Variants in KCNT1 observed in about 807,000 individuals in gnomAD.
KCNT1 encodes the protein potassium sodium-activated channel subfamily T member 1, also known as potassium channel subfamily T member 1.
In KCNT1, 78 loss-of-function variants were observed where a neutral mutation model predicts 147.8. The observed-to-expected ratio is 0.53, with a 90% CI of 0.44 to 0.64. The LOEUF (loss-of-function observed/expected upper bound fraction) is 0.64. Ranked by LOEUF, KCNT1 falls within the 30% of genes least tolerant of loss-of-function variation. The pLI is 0.00. For missense variants in KCNT1, 1,419 were observed against 1,750.3 expected (o/e 0.81, Z 3.38); for synonymous variants, 867 against 748.8 (o/e 1.16, Z -2.58).
At chr9:135,787,274 C>T (rs948872930) in intron 29 of KCNT1, among the ~76,000 whole-genome samples, 2 of 152,232 alleles carry the variant, frequency 1.3e-5, no homozygotes, top group African/African-American at 4.8e-5. Context: ...TGTGCTTGGG[C>T]TTCGGGGCCC....
chr9:135,743,477 G>A (rs541690790), intron 2 of KCNT1, among the ~76,000 whole-genome samples: 1 of 152,228 alleles, frequency 6.6e-6, no homozygotes, highest in African/African-American at 2.4e-5. Flanking sequence ...GGGCTGCCCG[G>A]CACCCATGGT....
chr9:135,787,677 T>C (rs1343979480), intron 29 of KCNT1, among the ~76,000 whole-genome samples: 1 of 152,124 alleles, frequency 6.6e-6, no homozygotes, highest in African/African-American at 2.4e-5. Context: ...TGTGAAGACC[T>C]TTCCCGGCCC....
chr9:135,786,326 C>A lies in KCNT1; in HGVS notation c.3307C>A (p.Pro1103Thr), dbSNP rs1347095932. 1 of 1,598,302 alleles carries A rather than the reference C, an allele frequency of 6.3e-7. No individual in the cohort carries two copies. Among genetic ancestry groups the A allele is most frequent in the Non-Finnish European group, 8.5e-7 (1 of 1,173,890 alleles). Residue 1103 changes from proline (P) to threonine (T), a missense_variant, in exon 29 of 31, where the codon CCA becomes ACA. Coordinates refer to ENST00000371757, the MANE Select transcript of KCNT1 (RefSeq NM_020822.3). ...GGGCGGCGGTGACCCCGCAGAGCAC[C>A]CACTGCTACGGCGCAAGAGCCTGCA... Reference protein sequence around the residue: ...HTGGGDPAEHPLLRRKSLQWA... With the variant: ...HTGGGDPAEHTLLRRKSLQWA...
intron 13 of KCNT1, 85 bp downstream of exon 13, chr9:135,765,845 C>T: frequency 1.6e-6 from 2 of 1,263,878 alleles, no homozygotes; most frequent in Non-Finnish European, 2.2e-6. Context: ...TTGACCGTCG[C>T]TCTCCTGGCC....
At chr9:135,708,004 T>C (rs781212761) in intron 1 of KCNT1, among the ~76,000 whole-genome samples, 3 of 152,210 alleles carry the variant, frequency 2.0e-5, no homozygotes, top group African/African-American at 4.8e-5. Context: ...TGCCTGGGCA[T>C]CTCGAGCAGC....
intron 2 of KCNT1, among the ~76,000 whole-genome samples, chr9:135,734,531 C>T (rs558904222): frequency 1.3e-3 from 194 of 152,226 alleles, no homozygotes; most frequent in African/African-American, 4.5e-3. Context: ...GCACCCCAGG[C>T]GGCACCTGCT....
At chr9:135,726,509 G>T (rs1478526152) in intron 2 of KCNT1, among the ~76,000 whole-genome samples, 1 of 152,092 alleles carries the variant, frequency 6.6e-6, no homozygotes, top group Non-Finnish European at 1.5e-5. Context: ...CCCTTGGTAG[G>T]TAGAACCTGT....
intron 1 of KCNT1, among the ~76,000 whole-genome samples, chr9:135,703,932 CCT>C (rs1835139848): frequency 6.6e-6 from 1 of 152,238 alleles, no homozygotes; most frequent in Admixed American, 6.5e-5. Flanking sequence ...ACAGAGATTC[CCT>C]GTCACACTGC....
chr9:135,769,690 G>A (rs140220415), intron 15 of KCNT1, among the ~76,000 whole-genome samples: 1 of 152,304 alleles, frequency 6.6e-6, no homozygotes, highest in Non-Finnish European at 1.5e-5. Context: ...ACAGGGGCCA[G>A]GGCCTGCCCC....
chr9:135,775,298 C>G lies in KCNT1; in HGVS notation c.2244-12C>G. The G allele has an allele frequency of 1.9e-6, 3 of 1,598,514 alleles. No individual in the cohort carries two copies. The highest frequency in any genetic ancestry group is 2.6e-6 in the Non-Finnish European group (3 of 1,170,804). The stretch of plus-strand genomic sequence containing the variant: ...GTGCAGCTGTGCTGAGGGCTCCTGT[C>G]TCCTGCCCCAGGTATGTGAAGGGCT... On this transcript the variant is annotated splice_polypyrimidine_tract_variant and intron_variant, in intron 19 of 30. Coordinates refer to ENST00000371757, the MANE Select transcript of KCNT1 (RefSeq NM_020822.3).
chr9:135,785,431 A>T, intron 28 of KCNT1, 101 bp downstream of exon 28: 1 of 931,712 alleles, frequency 1.1e-6, no homozygotes, highest in Non-Finnish European at 1.3e-6. Context: ...ACCCACCCAC[A>T]GGGCCCTGGG....
chr9:135,755,365 G>A (rs1308041414), intron 6 of KCNT1, among the ~76,000 whole-genome samples, 196 bp downstream of exon 6: 3 of 151,012 alleles, frequency 2.0e-5, no homozygotes, highest in African/African-American at 4.9e-5. Flanking sequence ...GGGGACCCAG[G>A]CTCAGCAAAT....
chr9:135,750,384 A>G (rs1160535941), intron 3 of KCNT1, among the ~76,000 whole-genome samples: 1 of 151,984 alleles, frequency 6.6e-6, no homozygotes, highest in African/African-American at 2.4e-5. Flanking sequence ...TCTTAGCTTC[A>G]CACTGTCTGA....
chr9:135,757,454 G>A, intron 9 of KCNT1, 73 bp downstream of exon 9: 2 of 1,386,780 alleles, frequency 1.4e-6, no homozygotes, highest in Admixed American at 1.7e-5. Context: ...GGAAGACACT[G>A]TGCGACGTAG....
intron 24 of KCNT1, among the ~76,000 whole-genome samples, chr9:135,779,750 C>T (rs184531175): frequency 1.6e-4 from 24 of 152,350 alleles, no homozygotes; most frequent in Admixed American, 1.5e-3. Context: ...CAGGCCTGGC[C>T]GTATCTGGAG....
chr9:135,731,025 C>T (rs1836411344), intron 2 of KCNT1, among the ~76,000 whole-genome samples: 1 of 141,908 alleles, frequency 7.0e-6, no homozygotes, highest in South Asian at 2.3e-4. Context: ...TGTGGTTTAG[C>T]AATTGAATTT....
At chr9:135,733,651 C>A (rs774557074) in intron 2 of KCNT1, among the ~76,000 whole-genome samples, 42 of 139,680 alleles carry the variant, frequency 3.0e-4, no homozygotes, top group Non-Finnish European at 6.0e-4. Flanking sequence ...CCCAGCCCTG[C>A]ACTCCTCTCC....
intron 2 of KCNT1, among the ~76,000 whole-genome samples, chr9:135,738,360 A>G (rs1295740631): frequency 6.6e-6 from 1 of 152,214 alleles, no homozygotes. Flanking sequence ...GGCCTGGAGC[A>G]TTCATACAAC....
At chr9:135,716,837 G>A (rs1239906008) in intron 2 of KCNT1, among the ~76,000 whole-genome samples, 1 of 152,268 alleles carries the variant, frequency 6.6e-6, no homozygotes, top group Non-Finnish European at 1.5e-5. Context: ...TGGAAATGAA[G>A]TATACAGTGA....
Sources: allele counts gnomAD v4.1 joint callset (sites outside exome capture counted in the v4.1 genomes callset), GRCh38; gene constraint gnomAD v4.1.1; transcripts MANE v1.5; gene names NCBI Gene and HGNC (gene_info 2026-07-23, HGNC 2026-07-21).